PFDN2: variants seen among roughly 807,000 people sequenced by gnomAD.
PFDN2 encodes the protein prefoldin 2.
PFDN2 carries 7 observed loss-of-function variants against 18.3 expected under a neutral mutation model. The observed-to-expected ratio is 0.38, with a 90% CI of 0.22 to 0.72. The LOEUF (loss-of-function observed/expected upper bound fraction) is 0.72. PFDN2 is among the 30% of genes least tolerant of loss of function. The probability of loss-of-function intolerance (pLI) is 0.47; values close to 1 mark genes in which losing one functional copy is unlikely to be tolerated. For synonymous variants in PFDN2, 76 were observed against 75.0 expected, an observed-to-expected ratio of 1.01 and a Z score of -0.07; for missense variants, 181 against 199.1, an observed-to-expected ratio of 0.91 and a Z score of 0.55.
At chr1:161,116,525 T>C (rs1571191307) in intron 1 of PFDN2, among the ~76,000 whole-genome samples, 1 of 152,008 alleles carries the variant, frequency 6.6e-6, no homozygotes, top group Admixed American at 6.6e-5. Context: ...CAAAAAAGTA[T>C]TAAAAAGCAT....
intron 1 of PFDN2, among the ~76,000 whole-genome samples, chr1:161,102,889 C>G (rs1654596565): frequency 6.6e-6 from 1 of 150,376 alleles, no homozygotes. Flanking sequence ...ACCCGGGAGG[C>G]AGAGGTTGCA....
intron 3 of PFDN2, among the ~76,000 whole-genome samples, chr1:161,101,817 G>A (rs1464653141): frequency 6.6e-6 from 1 of 152,216 alleles, no homozygotes; most frequent in African/African-American, 2.4e-5. Context: ...GCAGTGAGGT[G>A]ATCACAGCTC....
rs770245890 is a variant in PFDN2, at chr1:161,102,031, C to T, written c.288+17G>A. 4 of 1,613,994 alleles carry T rather than the reference C, an allele frequency of 2.5e-6. No homozygotes were observed. In the East Asian group the frequency reaches 6.7e-5, roughly 27 times the overall value. ...TACAGCCACTGTACCCGATCCTATT[C>T]AATGATTCTTGCTCACCTGCTCCTT... On this transcript the variant is annotated intron_variant, in intron 3 of 3. Transcript: ENST00000368010.
At chr1:161,112,237 C>T (rs78629947) in intron 1 of PFDN2, among the ~76,000 whole-genome samples, 13,201 of 152,198 alleles carry the variant, frequency 0.087, 612 homozygotes, top group South Asian at 0.13. Flanking sequence ...ACATCAAGAA[C>T]TTAGGACAAT....
At chr1:161,101,357 G>A (rs1390658284) in intron 3 of PFDN2, among the ~76,000 whole-genome samples, 1 of 151,586 alleles carries the variant, frequency 6.6e-6, no homozygotes, top group Non-Finnish European at 1.5e-5. Context: ...CCACCACAAC[G>A]CCCAGCCAAT....
Position 161,100,561 on chromosome 1 carries a change from T to G in PFDN2, c.*122A>C. On this transcript the variant is annotated 3_prime_UTR_variant, in exon 4 of 4. Coordinates refer to ENST00000368010, the MANE Select transcript of PFDN2 (RefSeq NM_012394.4). ...AGAAAACTTCAGGCTACAGCTAAGATTCTGACCAAAACATTTAATTAACAA... is the reference window on the plus strand; with the variant it reads ...AGAAAACTTCAGGCTACAGCTAAGAGTCTGACCAAAACATTTAATTAACAA... The G allele has an allele frequency of 6.1e-6, 5 of 824,246 alleles. No homozygotes were observed. The highest frequency in any genetic ancestry group is 9.2e-6 in the Non-Finnish European group (5 of 541,876). 51.1% of individuals were successfully genotyped at this position (824,246 alleles called of 1,614,324 possible).
At chr1:161,101,350 C>T (rs528723612) in intron 3 of PFDN2, among the ~76,000 whole-genome samples, 67 of 152,036 alleles carry the variant, frequency 4.4e-4, no homozygotes, top group African/African-American at 1.5e-3. Context: ...CAGGCGCCCA[C>T]CACAACGCCC....
At chr1:161,100,945 A>G in intron 3 of PFDN2, 86 bp from the exon 4 acceptor site, 1 of 979,376 alleles carries the variant, frequency 1.0e-6, no homozygotes, top group Non-Finnish European at 1.6e-6. Context: ...GGAAGTGTTA[A>G]CACATTTAAC....
chr1:161,117,926 C>A, intron 1 of PFDN2, 26 bp downstream of exon 1: 1 of 1,592,098 alleles, frequency 6.3e-7, no homozygotes, highest in Non-Finnish European at 8.6e-7. Flanking sequence ...AGGTGGGTAC[C>A]CTGCTTCGCG....
At chr1:161,101,367 T>C (rs1270673661) in intron 3 of PFDN2, among the ~76,000 whole-genome samples, 2 of 151,844 alleles carry the variant, frequency 1.3e-5, no homozygotes, top group Non-Finnish European at 2.9e-5. Flanking sequence ...GCCCAGCCAA[T>C]TTTTCGTATT....
At chr1:161,107,351 G>A (rs889122983) in intron 1 of PFDN2, among the ~76,000 whole-genome samples, 1 of 149,720 alleles carries the variant, frequency 6.7e-6, no homozygotes, top group Non-Finnish European at 1.5e-5. Context: ...CTTGAACCCA[G>A]GAGGCGGAGG....
chr1:161,110,335 T>C (rs1654779209), intron 1 of PFDN2, among the ~76,000 whole-genome samples: 1 of 152,178 alleles, frequency 6.6e-6, no homozygotes, highest in Admixed American at 6.5e-5. Context: ...CACTCCAGCC[T>C]GGGTGACAGA....
intron 1 of PFDN2, among the ~76,000 whole-genome samples, chr1:161,113,972 C>T (rs1208448304): frequency 7.9e-5 from 12 of 152,216 alleles, no homozygotes. Flanking sequence ...TCACTTATCA[C>T]ACTTCCTCAG....
rs536108860 is a variant in PFDN2 at position 161,100,584 on chromosome 1, C to CA, written c.*98dup. The CA allele has an allele frequency of 3.6e-5, 35 of 959,802 alleles. No homozygotes were observed. The East Asian group carries it at 8.9e-4, about 24-fold the overall frequency. The allele number at this position is 959,802 out of a possible 1,614,324, so 59.5% of individuals were successfully genotyped here. A position where few individuals can be genotyped will look rare whatever the true frequency, so the allele number is the denominator to read the frequency against. The stretch of plus-strand genomic sequence containing the variant: ...GATTCTGACCAAAACATTTAATTAA[C>CA]AAAAAAATATTACAATAGCAGAGAA... On this transcript the variant is annotated 3_prime_UTR_variant, in exon 4 of 4. Transcript: ENST00000368010.
chr1:161,117,243 A>T (rs1186428374), intron 1 of PFDN2, among the ~76,000 whole-genome samples: 1 of 152,250 alleles, frequency 6.6e-6, no homozygotes, highest in Non-Finnish European at 1.5e-5. Context: ...GTCTCAAAAA[A>T]AAACGATAAT....
At chr1:161,105,885 C>T (rs1654667684) in intron 1 of PFDN2, among the ~76,000 whole-genome samples, 1 of 152,116 alleles carries the variant, frequency 6.6e-6, no homozygotes, top group South Asian at 2.1e-4. Context: ...GAGTTATCTA[C>T]AGTTATTATG....
intron 1 of PFDN2, among the ~76,000 whole-genome samples, chr1:161,103,017 A>T (rs1654603660): frequency 6.6e-6 from 1 of 151,632 alleles, no homozygotes; most frequent in African/African-American, 2.4e-5. Flanking sequence ...GGGAGCCTAG[A>T]CTTGCAGTGA....
In PFDN2 at chr1:161,117,999, T is replaced by C. The variant is rs1292608687; in HGVS notation, c.28A>G (p.Lys10Glu). MAENSGRAG[K>E]SSGSGAGKGA... ...TTCCCCGCGCCGCTCCCGCTGCTCTTGCCGGCGCGACCGCTGTTCTCCGCC... is the reference window on the plus strand; with the variant it reads ...TTCCCCGCGCCGCTCCCGCTGCTCTCGCCGGCGCGACCGCTGTTCTCCGCC... Residue 10 changes from lysine to glutamate, a missense_variant, in exon 1 of 4, where the codon AAG becomes GAG. Lys to Glu is a moderately conservative substitution (Grantham distance 56). Coordinates refer to ENST00000368010, the MANE Select transcript of PFDN2 (RefSeq NM_012394.4). 3 of 1,612,488 alleles carry C rather than the reference T, an allele frequency of 1.9e-6. No individual in the cohort carries two copies. Among genetic ancestry groups the C allele is most frequent in the Non-Finnish European group, 2.5e-6 (3 of 1,179,544 alleles).
At chr1:161,102,728 G>A (rs551630613) in intron 1 of PFDN2, among the ~76,000 whole-genome samples, 1 of 152,252 alleles carries the variant, frequency 6.6e-6, no homozygotes, top group South Asian at 2.1e-4. Flanking sequence ...GGGAGGCCAA[G>A]GCAGGCGGAT....
Sources: allele counts gnomAD v4.1 joint callset (sites outside exome capture counted in the v4.1 genomes callset), GRCh38; gene constraint gnomAD v4.1.1; transcripts MANE v1.5; gene names NCBI Gene and HGNC (gene_info 2026-07-23, HGNC 2026-07-21).